The following TDG variants were observed in gnomAD, a reference collection of about 807,000 sequenced individuals.
TDG encodes the protein G/T mismatch-specific thymine DNA glycosylase.
TDG carries 23 observed loss-of-function variants against 46.1 expected under a neutral mutation model. The observed-to-expected ratio is 0.50, with a 90% CI of 0.36 to 0.71. The LOEUF (loss-of-function observed/expected upper bound fraction) is 0.71. Ranked by LOEUF, TDG falls within the 30% of genes least tolerant of loss-of-function variation. The pLI is 0.00. For missense variants in TDG, 304 were observed against 486.7 expected, an observed-to-expected ratio of 0.62 and a Z score of 3.53; for synonymous variants, 115 against 161.3, an observed-to-expected ratio of 0.71 and a Z score of 2.18.
At chr12:103,974,267 C>G (rs576478069) in intron 1 of TDG, among the ~76,000 whole-genome samples, 91 of 59,140 alleles carry the variant, frequency 1.5e-3, no homozygotes, top group African/African-American at 5.6e-3. Flanking sequence ...CTCATTTGCC[C>G]TCTTTTGTTG....
At chr12:103,986,675 T>C (rs2136245208) in intron 9 of TDG, 1 of 281,544 alleles carries the variant, frequency 3.6e-6, no homozygotes, top group East Asian at 6.6e-5. Context: ...ATCACACCAC[T>C]GGACTCCAGC....
At chr12:103,980,232 T>C in intron 3 of TDG, 160 bp downstream of exon 3, 1 of 974,544 alleles carries the variant, frequency 1.0e-6, no homozygotes. Context: ...TATATGAGAG[T>C]GTTTAAGAGG....
rs768250108 is a variant in TDG, at chr12:103,980,085, T to A, written c.408+13T>A. ...GGACATTGTCATTGTAAGATCTTTG[T>A]CCTCGTTGGATTTTATAAGTAGTAT... On this transcript the variant is annotated intron_variant, in intron 3 of 9. Coordinates refer to ENST00000392872, the MANE Select transcript of TDG (RefSeq NM_003211.6). 1.9e-6 allele frequency: 3 copies of A among 1,609,724 alleles called. No individual in the cohort carries two copies. The highest frequency in any genetic ancestry group is 2.5e-6 in the Non-Finnish European group (3 of 1,178,678).
intron 8 of TDG, 103 bp downstream of exon 8, chr12:103,985,023 A>G: frequency 3.4e-5 from 31 of 925,078 alleles, no homozygotes; most frequent in Non-Finnish European, 4.5e-5. Context: ...ATACACATAT[A>G]CATATGTGTG....
At chr12:103,967,097 T>A (rs1765252243) in intron 1 of TDG, among the ~76,000 whole-genome samples, 1 of 152,226 alleles carries the variant, frequency 6.6e-6, no homozygotes. Context: ...AATAAGAGAA[T>A]TCACCAGAAT....
At chr12:103,973,858 AT>A (rs1199532003) in intron 1 of TDG, among the ~76,000 whole-genome samples, 12 of 152,154 alleles carry the variant, frequency 7.9e-5, no homozygotes, top group African/African-American at 2.7e-4. Flanking sequence ...AATAAACTTA[AT>A]TTTTTAGCTG....
At chr12:103,986,768 C>G (rs1292301014) in intron 9 of TDG, 180 bp from the exon 10 acceptor site, 2 of 572,140 alleles carry the variant, frequency 3.5e-6, no homozygotes, top group Non-Finnish European at 6.0e-6. Flanking sequence ...ACCTGTAATC[C>G]CAGTGCTTTG....
intron 1 of TDG, among the ~76,000 whole-genome samples, chr12:103,973,674 G>A (rs945051158): frequency 4.0e-5 from 6 of 151,794 alleles, no homozygotes; most frequent in African/African-American, 1.2e-4. Context: ...TAAAACTATG[G>A]AAAAAAAGGA....
chr12:103,976,408 C>CCACACACACACACACACA lies in TDG; in HGVS notation c.24-499_24-482dup, dbSNP rs144717913. ...GGTGACAGAGGGAGACCCTGTCTCC[C>CCACACACACACACACACA]CACACACACACACACACACACACAC... On this transcript the variant is annotated intron_variant, in intron 1 of 9. Transcript: ENST00000392872. 1.9e-4 allele frequency among the ~76,000 whole-genome samples: 28 copies of CCACACACACACACACACA among 147,542 alleles called. 1 individual carries two copies. The highest frequency in any genetic ancestry group is 8.0e-4 in the East Asian group (4 of 4,978).
chr12:103,969,376 A>G (rs1023948501), intron 1 of TDG, among the ~76,000 whole-genome samples: 8 of 152,238 alleles, frequency 5.3e-5, no homozygotes, highest in African/African-American at 1.9e-4. Flanking sequence ...GACTGATGGC[A>G]ATCCAGTTAG....
chr12:103,985,486 A>T, intron 8 of TDG, 117 bp from the exon 9 acceptor site: 4 of 1,173,954 alleles, frequency 3.4e-6, no homozygotes, highest in Non-Finnish European at 4.6e-6. Flanking sequence ...ATTAATAGAG[A>T]TGTATCTCAG....
intron 4 of TDG, among the ~76,000 whole-genome samples, chr12:103,981,226 C>CTTTTTT (rs11314473): frequency 4.3e-5 from 3 of 69,412 alleles, no homozygotes; most frequent in African/African-American, 5.8e-5. Context: ...AGTTGTACTA[C>CTTTTTT]TTTTTTTTTT....
chr12:103,966,572 C>T (rs1299065103), intron 1 of TDG, among the ~76,000 whole-genome samples: 1 of 152,134 alleles, frequency 6.6e-6, no homozygotes, highest in Admixed American at 6.6e-5. Flanking sequence ...TGTATACACT[C>T]TCGAGTAGTC....
chr12:103,983,824 A>G (rs1323479435), intron 7 of TDG, among the ~76,000 whole-genome samples: 1 of 152,176 alleles, frequency 6.6e-6, no homozygotes, highest in African/African-American at 2.4e-5. Context: ...AAATAATACA[A>G]CCCAGACAAG....
At chr12:103,984,962 T>C in intron 8 of TDG, 42 bp downstream of exon 8, 1 of 1,481,326 alleles carries the variant, frequency 6.8e-7, no homozygotes, top group Non-Finnish European at 9.1e-7. Context: ...TTTGTGTGTG[T>C]ATATATACAC....
chr12:103,983,195 G>A lies in TDG; in HGVS notation c.674G>A (p.Arg225Gln), dbSNP rs375015053. ...LVQKLQKYQP[R>Q]IAVFNGKCIY... is the part of the protein sequence containing the mutation. ...CAGAAATTACAGAAATATCAGCCAC[G>A]AATAGCAGTGTTTAATGGAAAATGT... The change falls in exon 6 of 10, where the codon CGA becomes CAA. Residue 225 changes from arginine to glutamine, a missense_variant. Arg to Gln is a conservative substitution (Grantham distance 43, BLOSUM62 1). Transcript: ENST00000392872. The A allele has an allele frequency of 4.1e-5, 66 of 1,606,530 alleles. No homozygotes were observed. Among genetic ancestry groups the A allele is most frequent in the Middle Eastern group, 1.7e-4 (1 of 6,048 alleles).
chr12:103,988,086 T>C lies in TDG; in HGVS notation c.*996T>C, dbSNP rs1472828643. On this transcript the variant is annotated 3_prime_UTR_variant, in exon 10 of 10. Transcript: ENST00000392872. ...TATCTGCATCATTGCTGTTTGTTAC[T>C]ATAAATTAAATGAACCTCATGGAAA... The C allele has an allele frequency of 1.3e-5, 2 of 152,738 alleles. No individual in the cohort carries two copies. The highest frequency in any genetic ancestry group is 2.9e-5 in the Non-Finnish European group (2 of 68,060). The allele number at this position is 152,738 out of a possible 1,614,324, so 9.5% of individuals were successfully genotyped here. A position where few individuals can be genotyped will look rare whatever the true frequency, so the allele number is the denominator to read the frequency against.
At chr12:103,978,958 G>T (rs1418108204) in intron 2 of TDG, among the ~76,000 whole-genome samples, 1 of 152,038 alleles carries the variant, frequency 6.6e-6, no homozygotes, top group Non-Finnish European at 1.5e-5. Flanking sequence ...CCTGAGGTTG[G>T]ATCCCTCCTC....
intron 4 of TDG, among the ~76,000 whole-genome samples, chr12:103,981,761 A>G (rs775370234): frequency 6.8e-4 from 104 of 152,222 alleles, no homozygotes; most frequent in African/African-American, 2.2e-3. Context: ...TGTAATCCCA[A>G]CACTTTGGGA....
Sources: allele counts gnomAD v4.1 joint callset (sites outside exome capture counted in the v4.1 genomes callset), GRCh38; gene constraint gnomAD v4.1.1; transcripts MANE v1.5; gene names NCBI Gene and HGNC (gene_info 2026-07-23, HGNC 2026-07-21).